SMURF1: variants seen among roughly 807,000 people sequenced by gnomAD.
The protein encoded by SMURF1 is E3 ubiquitin-protein ligase SMURF1.
A neutral mutation model predicts 98.0 loss-of-function variants in SMURF1; 44 were observed. That is an observed-to-expected ratio of 0.45 (90% CI 0.35 to 0.58). The LOEUF is 0.58. Among genes scored for constraint, SMURF1 ranks in the 20% least tolerant of loss-of-function variants. SMURF1 has a pLI of 0.00. For missense variants in SMURF1, 687 were observed against 938.4 expected, an observed-to-expected ratio of 0.73 and a Z score of 3.50; for synonymous variants, 396 against 374.9, an observed-to-expected ratio of 1.06 and a Z score of -0.65.
chr7:99,141,804 TAA>T (rs1414242709), intron 1 of SMURF1, among the ~76,000 whole-genome samples: 2 of 152,194 alleles, frequency 1.3e-5, no homozygotes, highest in African/African-American at 2.4e-5. Flanking sequence ...GCATCTGCCA[TAA>T]AGTGTTCAAA....
chr7:99,057,422 G>C lies in SMURF1; in HGVS notation c.333C>G (p.Thr111=). Residue 111 remains threonine, a synonymous_variant, in exon 4 of 18, where the codon ACC becomes ACG. Transcript: ENST00000361368. ...LSNAISRLKD[T]GYQRLDLCKL... is the part of the protein sequence containing the mutation. ...AGGAAAGTGTTTGGTTCTTACATCC[G>C]GTATCTTTTAATCTGCTGATGGCAT... The C allele has an allele frequency of 1.2e-6, 2 of 1,611,904 alleles. No homozygotes were observed. Among genetic ancestry groups the C allele is most frequent in the Non-Finnish European group, 1.7e-6 (2 of 1,179,528 alleles).
At chr7:99,088,508 A>G (rs1435910735) in intron 1 of SMURF1, among the ~76,000 whole-genome samples, 1 of 151,238 alleles carries the variant, frequency 6.6e-6, no homozygotes, top group Non-Finnish European at 1.5e-5. Flanking sequence ...TGGTACTTAC[A>G]TAGCTCTCCA....
chr7:99,080,460 C>T (rs559957707), intron 1 of SMURF1, among the ~76,000 whole-genome samples: 4 of 152,246 alleles, frequency 2.6e-5, no homozygotes, highest in African/African-American at 9.6e-5. Context: ...CCACTACACC[C>T]GGCTAACTTT....
chr7:99,061,667 G>A, intron 2 of SMURF1, 132 bp downstream of exon 2: 1 of 570,718 alleles, frequency 1.8e-6, no homozygotes, highest in Non-Finnish European at 3.0e-6. Flanking sequence ...AATAAAGCTT[G>A]GAGAACCATG....
chr7:99,073,401 T>A (rs1429412590), intron 1 of SMURF1, among the ~76,000 whole-genome samples: 1 of 149,332 alleles, frequency 6.7e-6, no homozygotes, highest in African/African-American at 2.5e-5. Context: ...AGAAAAAATT[T>A]GTCACAACAT....
intron 1 of SMURF1, among the ~76,000 whole-genome samples, chr7:99,086,457 T>C (rs1796683725): frequency 6.6e-6 from 1 of 151,242 alleles, no homozygotes; most frequent in African/African-American, 2.4e-5. Context: ...CCTACATTGA[T>C]GGTGGCAATG....
At chr7:99,120,517 T>C (rs1797585487) in intron 1 of SMURF1, 1 of 151,994 alleles carries the variant, frequency 6.6e-6, no homozygotes, top group Non-Finnish European at 1.5e-5. Flanking sequence ...AGTTTTAAAT[T>C]CATGACAGAA....
At chr7:99,061,894 C>A in intron 1 of SMURF1, 57 bp from the exon 2 acceptor site, 3 of 1,317,714 alleles carry the variant, frequency 2.3e-6, no homozygotes, top group South Asian at 2.7e-5. Context: ...TCCATAATAG[C>A]TAATCTATAT....
At position 99,040,502 on chromosome 7, in the gene SMURF1, G is replaced by A. The variant is rs1167480402; in HGVS notation, c.1426C>T (p.His476Tyr). 6.4e-7 allele frequency: 1 copy of A among 1,574,350 alleles called. No individual in the cohort carries two copies. The stretch of plus-strand genomic sequence containing the variant: ...AAGCCCCCGTTGATGTAGTGTCCAT[G>A]GAACACAGCCAGCCCCATGATCCGC... ...VGRIMGLAVF[H>Y]GHYINGGFTV... Residue 476 changes from histidine (H) to tyrosine (Y), a missense_variant, in exon 13 of 18, where the codon CAT becomes TAT. Around this residue, in one of 2 missense-constraint regions of SMURF1, gnomAD observed 272 missense variants for 430.0 expected, o/e 0.63. Coordinates refer to ENST00000361368, the MANE Select transcript of SMURF1 (RefSeq NM_181349.3).
chr7:99,092,242 T>C (rs1467217206), intron 1 of SMURF1, among the ~76,000 whole-genome samples: 1 of 152,256 alleles, frequency 6.6e-6, no homozygotes, highest in African/African-American at 2.4e-5. Context: ...AACCTTTCCA[T>C]ATTGATATTC....
At position 99,105,772 on chromosome 7, in the gene SMURF1, G is replaced by A. The variant is rs74750222; in HGVS notation, c.55+37954C>T. 9.8e-3 allele frequency among the ~76,000 whole-genome samples: 1,499 copies of A among 152,190 alleles called. 62 individuals carry two copies. The South Asian group carries it at 0.14, about 14-fold the overall frequency. ...GTGTGTGTCACAGAGGGGCCTAAAC[G>A]GCCAGAGGATATTTATCACACAGTT... On this transcript the variant is annotated intron_variant, in intron 1 of 17. Coordinates refer to ENST00000361368, the MANE Select transcript of SMURF1 (RefSeq NM_181349.3).
At chr7:99,078,129 G>A (rs528496137) in intron 1 of SMURF1, among the ~76,000 whole-genome samples, 27 of 152,120 alleles carry the variant, frequency 1.8e-4, no homozygotes, top group Middle Eastern at 3.4e-3. Context: ...GTGAAACCCC[G>A]TCTCTACTAG....
At chr7:99,034,734 A>G (rs1406408187) in intron 16 of SMURF1, among the ~76,000 whole-genome samples, 2 of 152,138 alleles carry the variant, frequency 1.3e-5, no homozygotes, top group African/African-American at 4.8e-5. Context: ...CTTTTTATCC[A>G]TGCTGGGCCC....
chr7:99,035,047 C>G (rs1399508309), intron 16 of SMURF1, among the ~76,000 whole-genome samples: 1 of 152,218 alleles, frequency 6.6e-6, no homozygotes. Flanking sequence ...AGAATTCCAC[C>G]CCACTTCCGG....
chr7:99,134,576 G>A (rs1797944715), intron 1 of SMURF1, among the ~76,000 whole-genome samples: 1 of 152,176 alleles, frequency 6.6e-6, no homozygotes, highest in African/African-American at 2.4e-5. Flanking sequence ...TACTTCTACA[G>A]AGCCAGATGC....
intron 3 of SMURF1, 56 bp from the exon 4 acceptor site, chr7:99,057,607 T>TTG (rs375330292): frequency 0.077 from 89,748 of 1,159,668 alleles, 543 homozygotes; most frequent in South Asian, 0.11. Context: ...TTTGTTTTGT[T>TTG]TTTTTTTTTT....
intron 8 of SMURF1, chr7:99,050,244 A>G (rs1339254861): frequency 1.3e-5 from 2 of 152,764 alleles, no homozygotes; most frequent in African/African-American, 2.4e-5. Context: ...GCTTATAACC[A>G]TGATAAGGAA....
rs532689056 is a variant in SMURF1 at position 99,040,851 on chromosome 7, G to A, written c.1372-295C>T. On this transcript the variant is annotated intron_variant, in intron 12 of 17. Transcript: ENST00000361368. ...AGCAATGACTGAGAATTTCACCTTC[G>A]TGACAACAGAGAATCGAACCAAGCC... 5.3e-5 allele frequency among the ~76,000 whole-genome samples: 8 copies of A among 152,240 alleles called. No individual in the cohort carries two copies. In the East Asian group the frequency reaches 5.8e-4, roughly 11 times the overall value.
In SMURF1 at chr7:99,029,684, T is replaced by C. The variant is rs1046354230; in HGVS notation, c.*900A>G. On this transcript the variant is annotated 3_prime_UTR_variant, in exon 18 of 18. Coordinates refer to ENST00000361368, the MANE Select transcript of SMURF1 (RefSeq NM_181349.3). ...TCTTAGCAGTTGCTGCATCATGGTT[T>C]ACTAATATTTTAAGTGACACAGTCG... 2.0e-5 allele frequency: 3 copies of C among 152,202 alleles called. No individual in the cohort carries two copies. The highest frequency in any genetic ancestry group is 6.5e-5 in the Admixed American group (1 of 15,278). 9.4% of individuals were successfully genotyped at this position (152,202 alleles called of 1,614,324 possible). A position where few individuals can be genotyped will look rare whatever the true frequency, so the allele number is the denominator to read the frequency against.
Sources: allele counts gnomAD v4.1 joint callset (sites outside exome capture counted in the v4.1 genomes callset), GRCh38; gene constraint gnomAD v4.1.1; regional missense constraint gnomAD v4.1.1; transcripts MANE v1.5; gene names NCBI Gene and HGNC (gene_info 2026-07-23, HGNC 2026-07-21).